Variants in NKAIN3 observed in about 807,000 individuals in gnomAD.
The protein encoded by NKAIN3 is sodium/potassium transporting ATPase interacting 3.
Under a neutral mutation model 30.2 loss-of-function variants are expected in NKAIN3, and 25 were observed. The observed-to-expected ratio is 0.83, with a 90% confidence interval of 0.60 to 1.16. NKAIN3 has a LOEUF of 1.16. Ranked by LOEUF, NKAIN3 falls within the 50% of genes most tolerant of loss-of-function variation. The pLI, the probability that NKAIN3 is intolerant of heterozygous loss-of-function variation, is 0.00. For missense variants in NKAIN3, 225 were observed against 254.1 expected, an observed-to-expected ratio of 0.89 and a Z score of 0.78; for synonymous variants, 91 against 89.6, an observed-to-expected ratio of 1.02 and a Z score of -0.09.
intron 4 of NKAIN3, among the ~76,000 whole-genome samples, chr8:62,755,162 A>G (rs1025465178): frequency 9.9e-5 from 15 of 152,202 alleles, no homozygotes; most frequent in African/African-American, 3.6e-4. Context: ...ACTGAGACAC[A>G]TGGAGAAGTT....
intron 1 of NKAIN3, among the ~76,000 whole-genome samples, chr8:62,469,112 G>A (rs1316490397): frequency 6.6e-6 from 1 of 152,054 alleles, no homozygotes; most frequent in African/African-American, 2.4e-5. Context: ...GATTCCTTCT[G>A]AGACTTCACA....
chr8:62,772,310 T>G (rs184685316), intron 4 of NKAIN3, among the ~76,000 whole-genome samples: 33 of 152,334 alleles, frequency 2.2e-4, no homozygotes. Context: ...ATTCATCTGT[T>G]GATAGACACT....
chr8:62,760,849 TTTTAA>T (rs1399766140), intron 4 of NKAIN3, among the ~76,000 whole-genome samples: 2 of 152,164 alleles, frequency 1.3e-5, no homozygotes, highest in Non-Finnish European at 2.9e-5. Context: ...AATAGTTTAA[TTTTAA>T]TTTAAGGAAG....
intron 3 of NKAIN3, among the ~76,000 whole-genome samples, chr8:62,725,924 GC>G (rs1214879902): frequency 2.0e-4 from 30 of 152,016 alleles, no homozygotes; most frequent in Non-Finnish European, 4.1e-4. Flanking sequence ...TATGTAGATT[GC>G]TTTGGGTAGC....
rs75876514 is a variant in NKAIN3, at chr8:62,836,536, G to C, written c.472-81917G>C. Among the ~76,000 whole-genome samples, 477 of 152,180 alleles carry C rather than the reference G, an allele frequency of 3.1e-3. 2 individuals carry two copies. The highest frequency in any genetic ancestry group is 0.011 in the African/African-American group (460 of 41,530). The stretch of plus-strand genomic sequence containing the variant: ...GAACTTTTAAAATTTCATAATGTCA[G>C]TCTGACCTTTTCTGGTTGTCTTCAA... On this transcript the variant is annotated intron_variant, in intron 4 of 6. Coordinates refer to ENST00000623646, the MANE Select transcript of NKAIN3 (RefSeq NM_001304533.3).
chr8:62,545,017 A>G (rs1361586664), intron 1 of NKAIN3, among the ~76,000 whole-genome samples: 2 of 152,182 alleles, frequency 1.3e-5, no homozygotes, highest in Admixed American at 1.3e-4. Context: ...CTTCAGCCTC[A>G]TAGGCTGAGG....
In NKAIN3 at chr8:62,529,486, G is replaced by C. The variant is rs150225775; in HGVS notation, c.55-50053G>C. Among the ~76,000 whole-genome samples the C allele has an allele frequency of 1.4e-4, 22 of 152,252 alleles. No individual in the cohort carries two copies. In the East Asian group the frequency reaches 3.9e-3, roughly 27 times the overall value. On this transcript the variant is annotated intron_variant, in intron 1 of 6. Coordinates refer to ENST00000623646, the MANE Select transcript of NKAIN3 (RefSeq NM_001304533.3). ...GGCCTTTGGAAGGTGATTGGGACAT[G>C]AGGGTGGAGCCCTCCTGAATGGGAT...
intron 4 of NKAIN3, among the ~76,000 whole-genome samples, chr8:62,878,513 TTA>T (rs1389296023): frequency 2.6e-5 from 4 of 151,680 alleles, no homozygotes; most frequent in African/African-American, 7.2e-5. Context: ...TGTGTTTTTA[TTA>T]TTATTATTAT....
At chr8:62,606,200 A>G (rs1811120912) in intron 3 of NKAIN3, among the ~76,000 whole-genome samples, 1 of 152,118 alleles carries the variant, frequency 6.6e-6, no homozygotes, top group Non-Finnish European at 1.5e-5. Flanking sequence ...ATCAGGACTA[A>G]GGTCACTACC....
chr8:62,255,654 A>G (rs1190660462), intron 1 of NKAIN3, among the ~76,000 whole-genome samples: 1 of 152,244 alleles, frequency 6.6e-6, no homozygotes, highest in East Asian at 1.9e-4. Flanking sequence ...CTTATGTTCA[A>G]TGTGCATGTG....
At chr8:62,882,357 C>G (rs1035298645) in intron 4 of NKAIN3, among the ~76,000 whole-genome samples, 9 of 152,048 alleles carry the variant, frequency 5.9e-5, no homozygotes, top group Admixed American at 3.9e-4. Context: ...CTCGCTCTGT[C>G]GCCCAGGCTG....
At chr8:62,687,286 A>C (rs1276571662) in intron 3 of NKAIN3, among the ~76,000 whole-genome samples, 1 of 152,200 alleles carries the variant, frequency 6.6e-6, no homozygotes, top group Non-Finnish European at 1.5e-5. Context: ...TGAAATGTTC[A>C]ATCTGTTATT....
chr8:62,729,284 G>T (rs1031082290), intron 3 of NKAIN3, among the ~76,000 whole-genome samples: 2 of 152,008 alleles, frequency 1.3e-5, no homozygotes, highest in Non-Finnish European at 2.9e-5. Context: ...CCACGTAACA[G>T]TTCATCACAG....
At chr8:62,635,442 T>G (rs975236998) in intron 3 of NKAIN3, among the ~76,000 whole-genome samples, 2 of 152,190 alleles carry the variant, frequency 1.3e-5, no homozygotes, top group Admixed American at 6.5e-5. Context: ...GCTGGTGACC[T>G]CGGGAACTTC....
chr8:62,935,916 C>A (rs1822770925), intron 5 of NKAIN3, among the ~76,000 whole-genome samples: 1 of 151,980 alleles, frequency 6.6e-6, no homozygotes, highest in Non-Finnish European at 1.5e-5. Flanking sequence ...CTGAAAAAAT[C>A]TAAAAACAAA....
intron 4 of NKAIN3, among the ~76,000 whole-genome samples, chr8:62,882,774 G>A (rs1358050180): frequency 6.6e-6 from 1 of 152,002 alleles, no homozygotes; most frequent in Non-Finnish European, 1.5e-5. Context: ...GCATATGGAT[G>A]TCCTATTTTT....
chr8:62,947,134 G>C (rs1823147226), intron 5 of NKAIN3, among the ~76,000 whole-genome samples: 2 of 152,266 alleles, frequency 1.3e-5, no homozygotes, highest in Admixed American at 6.5e-5. Flanking sequence ...ATATAGAAGT[G>C]TGCACTTTCT....
chr8:62,349,096 A>G (rs1000678554), intron 1 of NKAIN3, among the ~76,000 whole-genome samples: 1 of 152,172 alleles, frequency 6.6e-6, no homozygotes, highest in Non-Finnish European at 1.5e-5. Flanking sequence ...ATAACTCCAT[A>G]TGGACAAAGG....
chr8:62,763,221 C>CAAAAAAAAAA (rs55873861), intron 4 of NKAIN3, among the ~76,000 whole-genome samples: 10 of 47,188 alleles, frequency 2.1e-4, no homozygotes, highest in East Asian at 1.3e-3. Context: ...GACTCCGTCT[C>CAAAAAAAAAA]AAAAAAAAAA....
Sources: allele counts gnomAD v4.1 joint callset (sites outside exome capture counted in the v4.1 genomes callset), GRCh38; gene constraint gnomAD v4.1.1; transcripts MANE v1.5; gene names NCBI Gene and HGNC (gene_info 2026-07-23, HGNC 2026-07-21).